The following KCTD8 variants were observed in gnomAD, a reference collection of about 807,000 sequenced individuals.
The protein encoded by KCTD8 is BTB/POZ domain-containing protein KCTD8.
KCTD8 carries 27 observed loss-of-function variants against 31.5 expected under a neutral mutation model. That is an observed-to-expected ratio of 0.86 (90% CI 0.63 to 1.18). The LOEUF is 1.18. Ranked by LOEUF, KCTD8 falls within the 50% of genes most tolerant of loss-of-function variation. The pLI is 0.00. For missense variants in KCTD8, 658 were observed against 647.7 expected, an observed-to-expected ratio of 1.02 and a Z score of -0.17; for synonymous variants, 290 against 280.0, an observed-to-expected ratio of 1.04 and a Z score of -0.36.
At chr4:44,432,660 A>C (rs1316439373) in intron 1 of KCTD8, among the ~76,000 whole-genome samples, 2 of 151,630 alleles carry the variant, frequency 1.3e-5, no homozygotes, top group African/African-American at 4.8e-5. Flanking sequence ...TCTGTTCTTC[A>C]TAACACCCAC....
chr4:44,410,133 T>G (rs1013065929), intron 1 of KCTD8, among the ~76,000 whole-genome samples: 1 of 152,156 alleles, frequency 6.6e-6, no homozygotes, highest in African/African-American at 2.4e-5. Context: ...CCTTTTTTCC[T>G]TTAGGTTTCC....
At chr4:44,406,789 G>A (rs1720807712) in intron 1 of KCTD8, among the ~76,000 whole-genome samples, 1 of 152,106 alleles carries the variant, frequency 6.6e-6, no homozygotes, top group Non-Finnish European at 1.5e-5. Flanking sequence ...AATTCCCAAT[G>A]AAAAATATCC....
At chr4:44,251,400 A>ACAT (rs1180110393) in intron 1 of KCTD8, among the ~76,000 whole-genome samples, 2 of 151,708 alleles carry the variant, frequency 1.3e-5, no homozygotes, top group Non-Finnish European at 3.0e-5. Flanking sequence ...GAATATATAA[A>ACAT]CATATGAAGA....
In KCTD8 at chr4:44,235,548, T is replaced by G. The variant is rs1350944231; in HGVS notation, c.962-60298A>C. Among the ~76,000 whole-genome samples the G allele has an allele frequency of 7.4e-4, 59 of 79,436 alleles. 6 individuals carry two copies. Among genetic ancestry groups the G allele is most frequent in the African/African-American group, 4.0e-3 (55 of 13,768 alleles). 52.1% of individuals were successfully genotyped at this position (79,436 alleles called of 152,430 possible). A position where few individuals can be genotyped will look rare whatever the true frequency, so the allele number is the denominator to read the frequency against. ...GATTATATATATATATATATATATATATATATATATATATATATATATATA... is the reference window on the plus strand; with the variant it reads ...GATTATATATATATATATATATATAGATATATATATATATATATATATATA... On this transcript the variant is annotated intron_variant, in intron 1 of 1. Transcript: ENST00000360029.
chr4:44,410,988 G>C (rs1720939702), intron 1 of KCTD8, among the ~76,000 whole-genome samples: 1 of 152,014 alleles, frequency 6.6e-6, no homozygotes, highest in Non-Finnish European at 1.5e-5. Context: ...GAGGAACTTT[G>C]GGTTACATTT....
chr4:44,310,636 T>A (rs1717921545), intron 1 of KCTD8, among the ~76,000 whole-genome samples: 1 of 152,084 alleles, frequency 6.6e-6, no homozygotes, highest in Non-Finnish European at 1.5e-5. Context: ...ATTAATTCAC[T>A]ACAAGAACCA....
intron 1 of KCTD8, among the ~76,000 whole-genome samples, chr4:44,251,786 C>T (rs1225065418): frequency 2.6e-5 from 4 of 150,974 alleles, no homozygotes; most frequent in African/African-American, 9.7e-5. Flanking sequence ...TCCCAGTTTA[C>T]TAACAGGATT....
chr4:44,264,765 C>T (rs536333191), intron 1 of KCTD8, among the ~76,000 whole-genome samples: 1 of 152,312 alleles, frequency 6.6e-6, no homozygotes, highest in East Asian at 1.9e-4. Context: ...GTCCTACACC[C>T]ATGGAGTCTT....
At chr4:44,302,181 G>T (rs1175319304) in intron 1 of KCTD8, among the ~76,000 whole-genome samples, 1 of 152,124 alleles carries the variant, frequency 6.6e-6, no homozygotes, top group Non-Finnish European at 1.5e-5. Context: ...TTTTGGCTTA[G>T]GATTGACTTG....
At chr4:44,253,050 T>A (rs1308528489) in intron 1 of KCTD8, among the ~76,000 whole-genome samples, 1 of 151,774 alleles carries the variant, frequency 6.6e-6, no homozygotes, top group Non-Finnish European at 1.5e-5. Flanking sequence ...TTATCAAAGT[T>A]CCATACATAT....
At position 44,425,761 on chromosome 4, in the gene KCTD8, G is replaced by A. The variant is rs140027518; in HGVS notation, c.961+21802C>T. 5.0e-3 allele frequency among the ~76,000 whole-genome samples: 755 copies of A among 151,990 alleles called. 8 individuals are homozygous for A. The highest frequency in any genetic ancestry group is 0.017 in the African/African-American group (702 of 41,484). ...GATTTGAGGAATTAAATCTATCAACGCAATCTATCCATCATTATAAGAAGT... is the reference window on the plus strand; with the variant it reads ...GATTTGAGGAATTAAATCTATCAACACAATCTATCCATCATTATAAGAAGT... On this transcript the variant is annotated intron_variant, in intron 1 of 1. Coordinates refer to ENST00000360029, the MANE Select transcript of KCTD8 (RefSeq NM_198353.3).
At chr4:44,393,930 C>T (rs528134024) in intron 1 of KCTD8, among the ~76,000 whole-genome samples, 33 of 151,658 alleles carry the variant, frequency 2.2e-4, no homozygotes, top group African/African-American at 2.9e-4. Context: ...TATGCCTATA[C>T]GGTGTATATT....
At chr4:44,240,024 A>G (rs1271941933) in intron 1 of KCTD8, among the ~76,000 whole-genome samples, 2 of 152,214 alleles carry the variant, frequency 1.3e-5, no homozygotes, top group Non-Finnish European at 2.9e-5. Flanking sequence ...GCAACCTAAT[A>G]CTGACTCCTG....
chr4:44,438,270 A>G (rs2109482430), intron 1 of KCTD8, among the ~76,000 whole-genome samples: 1 of 152,288 alleles, frequency 6.6e-6, no homozygotes, highest in South Asian at 2.1e-4. Context: ...AGTTTTCTTA[A>G]AATTGTGAAG....
chr4:44,253,307 G>A (rs1187781075), intron 1 of KCTD8, among the ~76,000 whole-genome samples: 1 of 151,422 alleles, frequency 6.6e-6, no homozygotes, highest in Non-Finnish European at 1.5e-5. Context: ...ACAAATTCAA[G>A]TTTTTAGTAG....
rs557229323 is a variant in KCTD8 at position 44,265,112 on chromosome 4, C to A, written c.962-89862G>T. ...CCTCAAGTGGGTCCCTGACTCCTGA[C>A]CCCTGAGCAGACTAACTAGGAGGCA... On this transcript the variant is annotated intron_variant, in intron 1 of 1. Coordinates refer to ENST00000360029, the MANE Select transcript of KCTD8 (RefSeq NM_198353.3). Among the ~76,000 whole-genome samples the A allele has an allele frequency of 1.8e-3, 279 of 152,238 alleles. 1 individual carries two copies. Among genetic ancestry groups the A allele is most frequent in the Non-Finnish European group, 3.4e-3 (229 of 68,016 alleles).
At chr4:44,187,508 C>T (rs1374648105) in intron 1 of KCTD8, among the ~76,000 whole-genome samples, 6 of 152,222 alleles carry the variant, frequency 3.9e-5, no homozygotes, top group Admixed American at 3.3e-4. Flanking sequence ...AAGGTTCCCA[C>T]GTCTGAATCT....
At chr4:44,235,482 A>G (rs1432238377) in intron 1 of KCTD8, among the ~76,000 whole-genome samples, 2 of 135,014 alleles carry the variant, frequency 1.5e-5, no homozygotes, top group African/African-American at 2.6e-5. Flanking sequence ...GAGAGACTGG[A>G]TGACTGGATT....
chr4:44,429,476 G>T (rs1214329757), intron 1 of KCTD8, among the ~76,000 whole-genome samples: 1 of 151,692 alleles, frequency 6.6e-6, no homozygotes, highest in Non-Finnish European at 1.5e-5. Flanking sequence ...CCATTGAAGG[G>T]GCTGTTTTGG....
Sources: gnomAD v4.1 joint callset for allele counts (sites outside exome capture counted in the v4.1 genomes callset) on GRCh38, gnomAD v4.1.1 for gene constraint, MANE v1.5 for transcripts, NCBI Gene and HGNC (gene_info 2026-07-23, HGNC 2026-07-21) for gene names.